AFG1L: variants seen among roughly 807,000 people sequenced by gnomAD.
The protein encoded by AFG1L is AFG1 like ATPase.
Under a neutral mutation model 62.2 loss-of-function variants are expected in AFG1L, and 53 were observed. That is an observed-to-expected ratio of 0.85 (90% confidence interval 0.68 to 1.07). The LOEUF (loss-of-function observed/expected upper bound fraction) is 1.07. Among genes scored for constraint, AFG1L ranks in the 50% least tolerant of loss-of-function variants. The pLI, the probability that AFG1L is intolerant of heterozygous loss-of-function variation, is 0.00. For missense variants in AFG1L, 555 were observed against 590.5 expected (o/e 0.94, Z 0.62); for synonymous variants, 228 against 210.3 (o/e 1.08, Z -0.73).
rs772619387 is a variant in AFG1L at position 108,522,315 on chromosome 6, T to C, written c.1336T>C (p.Ser446Pro). 5.0e-6 allele frequency: 8 copies of C among 1,613,592 alleles called. No individual in the cohort carries two copies. The South Asian group carries it at 6.6e-5, about 13-fold the overall frequency. The part of the protein sequence containing the change: ...GLSQDSAEGL[S>P]MFTGEEEIFA... ...TAACCAGGATTCAGCAGAAGGACTC[T>C]CCATGTTTACCGGAGAAGAGGAAAT... Residue 446 changes from serine (S) to proline (P), a missense_variant, in exon 13 of 13, where the codon TCC becomes CCC. Coordinates refer to ENST00000368977, the MANE Select transcript of AFG1L (RefSeq NM_145315.5).
chr6:108,464,224 C>T (rs1025507212), intron 8 of AFG1L, among the ~76,000 whole-genome samples: 1 of 152,094 alleles, frequency 6.6e-6, no homozygotes, highest in African/African-American at 2.4e-5. Context: ...AATTAATTTC[C>T]ATTTAAATTC....
intron 8 of AFG1L, among the ~76,000 whole-genome samples, chr6:108,467,167 C>T (rs954537375): frequency 6.6e-6 from 1 of 151,752 alleles, no homozygotes; most frequent in Non-Finnish European, 1.5e-5. Context: ...TCAGGACTGT[C>T]AGGGTAATTA....
At chr6:108,452,884 C>T (rs1443742368) in intron 8 of AFG1L, among the ~76,000 whole-genome samples, 1 of 152,112 alleles carries the variant, frequency 6.6e-6, no homozygotes, top group Non-Finnish European at 1.5e-5. Context: ...ATTTTATAGC[C>T]AGACATAAGC....
At chr6:108,484,905 G>A (rs1773480581) in intron 10 of AFG1L, among the ~76,000 whole-genome samples, 2 of 152,096 alleles carry the variant, frequency 1.3e-5, no homozygotes. Context: ...AGAAATCACT[G>A]TATATCAGGT....
At chr6:108,472,997 T>A (rs1286396616) in intron 8 of AFG1L, among the ~76,000 whole-genome samples, 1 of 152,006 alleles carries the variant, frequency 6.6e-6, no homozygotes, top group Non-Finnish European at 1.5e-5. Context: ...AGATAAAGTT[T>A]TGCTGTGTTG....
chr6:108,462,263 G>GCTTGGTGTT (rs1013738031), intron 8 of AFG1L, among the ~76,000 whole-genome samples: 3 of 151,906 alleles, frequency 2.0e-5, no homozygotes, highest in African/African-American at 7.3e-5. Flanking sequence ...AGCTAACTGG[G>GCTTGGTGTT]CTTGGTGTTG....
intron 7 of AFG1L, among the ~76,000 whole-genome samples, chr6:108,407,197 T>G (rs1354565364): frequency 1.3e-5 from 2 of 151,956 alleles, no homozygotes; most frequent in African/African-American, 4.8e-5. Flanking sequence ...GTTGGGGAGG[T>G]GGAGCTACAG....
At chr6:108,361,460 A>G (rs1300354849) in intron 5 of AFG1L, among the ~76,000 whole-genome samples, 1 of 152,220 alleles carries the variant, frequency 6.6e-6, no homozygotes, top group Non-Finnish European at 1.5e-5. Context: ...GAGAGAGAGT[A>G]TGGCAACTAG....
chr6:108,470,066 T>C (rs1407881570), intron 8 of AFG1L, among the ~76,000 whole-genome samples: 1 of 152,244 alleles, frequency 6.6e-6, no homozygotes, highest in Admixed American at 6.5e-5. Flanking sequence ...TGGTGAGAAC[T>C]GGTCTGCTTC....
intron 8 of AFG1L, among the ~76,000 whole-genome samples, chr6:108,460,977 CAACAAT>C (rs1425529260): frequency 2.0e-5 from 3 of 152,162 alleles, no homozygotes; most frequent in African/African-American, 7.2e-5. Flanking sequence ...ACAACAACAA[CAACAAT>C]GACAACAACA....
chr6:108,376,160 A>G (rs1780238408), intron 6 of AFG1L, among the ~76,000 whole-genome samples: 1 of 151,524 alleles, frequency 6.6e-6, no homozygotes, highest in African/African-American at 2.4e-5. Context: ...TTGGAATGTC[A>G]CCTTTGTCAT....
intron 6 of AFG1L, among the ~76,000 whole-genome samples, 198 bp downstream of exon 6, chr6:108,366,530 C>T (rs1779765115): frequency 6.7e-6 from 1 of 149,920 alleles, no homozygotes; most frequent in African/African-American, 2.4e-5. Context: ...AAGCTAAATC[C>T]AGTTGATTCC....
chr6:108,447,134 A>C (rs1771841500), intron 7 of AFG1L, 80 bp from the exon 8 acceptor site: 4 of 593,218 alleles, frequency 6.7e-6, no homozygotes, highest in Non-Finnish European at 8.7e-6. Flanking sequence ...AAAAATTTTA[A>C]AAATGTATAG....
At chr6:108,303,388 T>C (rs1276430147) in intron 1 of AFG1L, among the ~76,000 whole-genome samples, 3 of 152,140 alleles carry the variant, frequency 2.0e-5, no homozygotes, top group Non-Finnish European at 4.4e-5. Flanking sequence ...AACCCCAGTC[T>C]CCAGTAGTAG....
intron 7 of AFG1L, among the ~76,000 whole-genome samples, chr6:108,425,114 T>G (rs933489755): frequency 6.6e-6 from 1 of 152,130 alleles, no homozygotes; most frequent in Non-Finnish European, 1.5e-5. Context: ...GCAAGGCATA[T>G]GTAGAAACTC....
chr6:108,525,634 A>G lies in AFG1L; in HGVS notation c.*3209A>G, dbSNP rs562710408. ...GCATGGTTCTATGTGCTTTATAAAT[A>G]AACTCTTTTGATCCATATAACAGTC... is the stretch of plus-strand genomic sequence containing the variant. On this transcript the variant is annotated 3_prime_UTR_variant, in exon 13 of 13. Coordinates refer to ENST00000368977, the MANE Select transcript of AFG1L (RefSeq NM_145315.5). 2 of 152,382 alleles carry G rather than the reference A, an allele frequency of 1.3e-5. No homozygotes were observed. The highest frequency in any genetic ancestry group is 4.8e-5 in the African/African-American group (2 of 41,592). 9.4% of individuals were successfully genotyped at this position (152,382 alleles called of 1,614,324 possible). A position where few individuals can be genotyped will look rare whatever the true frequency, so the allele number is the denominator to read the frequency against.
chr6:108,496,274 G>GTTC (rs1773972114), intron 10 of AFG1L, among the ~76,000 whole-genome samples: 1 of 152,198 alleles, frequency 6.6e-6, no homozygotes, highest in Admixed American at 6.5e-5. Context: ...GTTTTGCAAA[G>GTTC]TTCTTGTAGG....
intron 1 of AFG1L, among the ~76,000 whole-genome samples, chr6:108,299,193 G>A (rs1292188500): frequency 6.6e-5 from 10 of 151,850 alleles, no homozygotes; most frequent in South Asian, 2.1e-4. Flanking sequence ...CCCAGGCGGC[G>A]GAGGTTGCAG....
Position 108,355,672 on chromosome 6 carries a change from T to C in AFG1L, c.434T>C (p.Val145Ala), listed in dbSNP as rs150775855. Reference sequence around the variant, plus strand: ...TTTTAAGGTACAGGAAAAACAATGGTGATGGACATGTTTTATGCTTATGTG... The same window carrying C: ...TTTTAAGGTACAGGAAAAACAATGGCGATGGACATGTTTTATGCTTATGTG... ...YGDVGTGKTM[V>A]MDMFYAYVEM... Residue 145 changes from valine (V) to alanine (A), a missense_variant, in exon 4 of 13, where the codon GTG becomes GCG. Transcript: ENST00000368977. 125 of 1,604,382 alleles carry C rather than the reference T, an allele frequency of 7.8e-5. No homozygotes were observed. The highest frequency in any genetic ancestry group is 1.1e-4 in the South Asian group (10 of 88,480).
Sources: allele counts gnomAD v4.1 joint callset (sites outside exome capture counted in the v4.1 genomes callset), GRCh38; gene constraint gnomAD v4.1.1; transcripts MANE v1.5; gene names NCBI Gene and HGNC (gene_info 2026-07-23, HGNC 2026-07-21).